The following LOC128462377 variants were observed in gnomAD, a reference collection of about 807,000 sequenced individuals.
chr16:89,353,194 T>C, the LOC128462377 span, among the ~76,000 whole-genome samples: 8 of 151,964 alleles, frequency 5.3e-5, no homozygotes, highest in East Asian at 9.8e-4. Context: ...ATACAAAAAT[T>C]AGCCGTGCAT....
the LOC128462377 span, among the ~76,000 whole-genome samples, chr16:89,383,858 C>G: frequency 6.6e-6 from 1 of 152,158 alleles, no homozygotes; most frequent in Non-Finnish European, 1.5e-5. Flanking sequence ...TCCCAAACAC[C>G]ACCTCCAAGC....
At chr16:89,348,500 GAAGGGCTTCTATATAA>G in the LOC128462377 span, among the ~76,000 whole-genome samples, 1 of 152,148 alleles carries the variant, frequency 6.6e-6, no homozygotes, top group South Asian at 2.1e-4. Context: ...CTCTGTTGTG[GAAGGGCTTCTATATAA>G]CTGACTTTCC....
At chr16:89,332,041 C>T in the LOC128462377 span, among the ~76,000 whole-genome samples, 35 of 152,080 alleles carry the variant, frequency 2.3e-4, no homozygotes, top group South Asian at 7.1e-3. Context: ...AATCCCAGAA[C>T]TTTGGGAGGC....
At chr16:89,324,017 A>C in the LOC128462377 span, 1 of 214,768 alleles carries the variant, frequency 4.7e-6, no homozygotes, top group Non-Finnish European at 9.4e-6. Flanking sequence ...GTGCCCAGCT[A>C]CTTTTTGTAT....
At chr16:89,403,974 G>A in the LOC128462377 span, among the ~76,000 whole-genome samples, 1 of 152,134 alleles carries the variant, frequency 6.6e-6, no homozygotes, top group African/African-American at 2.4e-5. Flanking sequence ...ACAGAAAGGA[G>A]CAAGATTATA....
At chr16:89,324,734 TG>T in the LOC128462377 span, 1 of 326,136 alleles carries the variant, frequency 3.1e-6, no homozygotes, top group Non-Finnish European at 6.0e-6. Flanking sequence ...CCTACACCAG[TG>T]GTTTGCCAGG....
chr16:89,383,783 C>T, the LOC128462377 span, among the ~76,000 whole-genome samples: 4 of 152,310 alleles, frequency 2.6e-5, no homozygotes, highest in African/African-American at 9.6e-5. Flanking sequence ...AGGCCCAATG[C>T]CAAGAGCCCA....
chr16:89,403,975 C>A, the LOC128462377 span, among the ~76,000 whole-genome samples: 2 of 152,072 alleles, frequency 1.3e-5, no homozygotes, highest in African/African-American at 4.8e-5. Context: ...CAGAAAGGAG[C>A]AAGATTATAA....
chr16:89,386,648 C>T, the LOC128462377 span, among the ~76,000 whole-genome samples: 4 of 152,232 alleles, frequency 2.6e-5, no homozygotes, highest in South Asian at 2.1e-4. Flanking sequence ...AATCTCTTCT[C>T]GTCCAGGAAA....
chr16:89,380,979 G>T, the LOC128462377 span, among the ~76,000 whole-genome samples: 1 of 152,126 alleles, frequency 6.6e-6, no homozygotes, highest in Non-Finnish European at 1.5e-5. Flanking sequence ...GGTTCTAAGG[G>T]GCTCCGAGTG....
chr16:89,415,432 T>C, the LOC128462377 span, among the ~76,000 whole-genome samples: 1 of 150,756 alleles, frequency 6.6e-6, no homozygotes, highest in Non-Finnish European at 1.5e-5. Flanking sequence ...GCCCGGCTAA[T>C]TTTTTGTATT....
the LOC128462377 span, among the ~76,000 whole-genome samples, chr16:89,367,565 C>A: frequency 5.9e-5 from 9 of 152,224 alleles, no homozygotes; most frequent in African/African-American, 1.9e-4. Flanking sequence ...TCCCCTCTAC[C>A]CTGTTCCTGA....
chr16:89,374,953 T>C, the LOC128462377 span, among the ~76,000 whole-genome samples: 6 of 152,134 alleles, frequency 3.9e-5, no homozygotes. Flanking sequence ...AAGTATGTCA[T>C]GAATGTACAA....
the LOC128462377 span, among the ~76,000 whole-genome samples, chr16:89,409,964 T>C: frequency 2.0e-5 from 3 of 152,152 alleles, no homozygotes; most frequent in African/African-American, 4.8e-5. Flanking sequence ...CTCAGCCTCC[T>C]GAGTAGCTGG....
chr16:89,414,036 C>A, the LOC128462377 span, among the ~76,000 whole-genome samples: 1 of 149,404 alleles, frequency 6.7e-6, no homozygotes, highest in African/African-American at 2.5e-5. Flanking sequence ...GCCTGCACAC[C>A]CTCCGCCACG....
the LOC128462377 span, chr16:89,403,873 A>G: frequency 6.6e-6 from 1 of 152,238 alleles, no homozygotes; most frequent in African/African-American, 2.4e-5. Context: ...TTGAGGCTGC[A>G]GTAAGCCATG....
At chr16:89,368,380 T>TG in the LOC128462377 span, among the ~76,000 whole-genome samples, 3 of 130,732 alleles carry the variant, frequency 2.3e-5, no homozygotes, top group African/African-American at 9.1e-5. Context: ...TGTTTTTTTT[T>TG]TTTTTTTTTT....
At chr16:89,363,821 G>A in the LOC128462377 span, among the ~76,000 whole-genome samples, 1 of 152,108 alleles carries the variant, frequency 6.6e-6, no homozygotes, top group Non-Finnish European at 1.5e-5. Context: ...TCAGGAGGCT[G>A]CGGCAAGGAG....
the LOC128462377 span, among the ~76,000 whole-genome samples, chr16:89,335,648 A>C: frequency 1.3e-5 from 2 of 152,214 alleles, no homozygotes; most frequent in Non-Finnish European, 2.9e-5. Flanking sequence ...AGGTAAGATG[A>C]CAAGTCTGTG....
Sources: gnomAD v4.1 joint callset for allele counts (sites outside exome capture counted in the v4.1 genomes callset) on GRCh38, gnomAD v4.1.1 for gene constraint, MANE v1.5 for transcripts.